The following DEAF1 variants were observed in gnomAD, a reference collection of about 807,000 sequenced individuals.
DEAF1 encodes deformed epidermal autoregulatory factor 1 homolog.
DEAF1 carries 53 observed loss-of-function variants against 58.9 expected under a neutral mutation model. The observed-to-expected ratio is 0.90, with a 90% CI of 0.72 to 1.13. The LOEUF (loss-of-function observed/expected upper bound fraction) is 1.13. DEAF1 is among the 50% of genes most tolerant of loss of function. The pLI is 0.00. For synonymous variants in DEAF1, 385 were observed against 340.4 expected (o/e 1.13, Z -1.44); for missense variants, 685 against 791.4 (o/e 0.87, Z 1.61).
chr11:679,676 G>A lies in DEAF1; in HGVS notation c.1126+12C>T, dbSNP rs1443719426. 9.9e-6 allele frequency: 16 copies of A among 1,610,624 alleles called. No individual in the cohort carries two copies. Among genetic ancestry groups the A allele is most frequent in the African/African-American group, 1.3e-5 (1 of 74,958 alleles). On this transcript the variant is annotated intron_variant, in intron 8 of 11. Transcript: ENST00000382409. The stretch of plus-strand genomic sequence containing the variant: ...GCTGAGGACGCGTCAGGCAGGCACT[G>A]GAGCAGCTCACCTGTGGCCCCTGCG...
At chr11:648,536 G>C (rs1858608626) in intron 11 of DEAF1, among the ~76,000 whole-genome samples, 1 of 152,078 alleles carries the variant, frequency 6.6e-6, no homozygotes, top group Admixed American at 6.6e-5. Context: ...GGAGGCTTGA[G>C]GACAGGGTGT....
Position 676,317 on chromosome 11 carries a change from TCC to T in DEAF1, c.1256-1536_1256-1535del, listed in dbSNP as rs1564941532. On this transcript the variant is annotated intron_variant, in intron 9 of 11. Coordinates refer to ENST00000382409, the MANE Select transcript of DEAF1 (RefSeq NM_021008.4). ...CACCCGACACCCCCAGCACCCGACATCCCCCCAGCACCCGACATCCCCCCAGC... is the reference window on the plus strand; with the variant it reads ...CACCCGACACCCCCAGCACCCGACATCCCCAGCACCCGACATCCCCCCAGC... 1.7e-3 allele frequency among the ~76,000 whole-genome samples: 54 copies of T among 31,100 alleles called. 1 individual carries two copies. Among genetic ancestry groups the T allele is most frequent in the African/African-American group, 7.4e-3 (47 of 6,354 alleles). The allele number at this position is 31,100 out of a possible 152,430, so 20.4% of individuals were successfully genotyped here.
At chr11:651,880 C>A (rs1016502043) in intron 11 of DEAF1, among the ~76,000 whole-genome samples, 1 of 150,094 alleles carries the variant, frequency 6.7e-6, no homozygotes, top group Non-Finnish European at 1.5e-5. Context: ...AGCGAGACTC[C>A]GTCTCAAAAA....
rs190281859 is a variant in DEAF1 at position 661,171 on chromosome 11, C to T, written c.1504-7120G>A. Among the ~76,000 whole-genome samples, 13 of 152,280 alleles carry T rather than the reference C, an allele frequency of 8.5e-5. No individual in the cohort carries two copies. The East Asian group carries it at 1.5e-3, about 18-fold the overall frequency. On this transcript the variant is annotated intron_variant, in intron 10 of 11. Transcript: ENST00000382409. ...GGACAGGCTAGAGGAATGGGGTTTGCGCTCAGGGCAGCATGGCCAACAACA... is the reference window on the plus strand; with the variant it reads ...GGACAGGCTAGAGGAATGGGGTTTGTGCTCAGGGCAGCATGGCCAACAACA...
chr11:682,644 A>C (rs1315217972), intron 6 of DEAF1, among the ~76,000 whole-genome samples: 1 of 152,138 alleles, frequency 6.6e-6, no homozygotes, highest in Non-Finnish European at 1.5e-5. Flanking sequence ...ATCAGAGGGA[A>C]TTCTGTTGCA....
intron 1 of DEAF1, chr11:700,782 T>C (rs748894721): frequency 9.5e-6 from 13 of 1,363,924 alleles, no homozygotes; most frequent in South Asian, 5.8e-5. Flanking sequence ...TCAAGAGTAA[T>C]TATTTTATAG....
chr11:688,393 T>C lies in DEAF1; in HGVS notation c.455A>G (p.His152Arg). ...NTEKATLIVV[H>R]TDGSIVETTG... ...GGTCTCCACGATGCTCCCATCTGTG[T>C]GGACGACAATCAGTGTCGCTTTTTC... The change falls in exon 3 of 12, where the codon CAC (histidine) becomes CGC (arginine). Residue 152 changes from histidine (H) to arginine (R), a missense_variant. This residue lies in a region of DEAF1 where 132 missense variants were observed against 234.3 expected (regional missense o/e 0.56). Coordinates refer to ENST00000382409, the MANE Select transcript of DEAF1 (RefSeq NM_021008.4). The surrounding 1 kb of genome is among the most constrained non-coding windows in gnomAD (Gnocchi z 4.3). 1 of 1,613,950 alleles carries C rather than the reference T, an allele frequency of 6.2e-7. No homozygotes were observed. The highest frequency in any genetic ancestry group is 8.5e-7 in the Non-Finnish European group (1 of 1,180,034).
intron 6 of DEAF1, among the ~76,000 whole-genome samples, chr11:683,904 G>A (rs1860477235): frequency 6.6e-6 from 1 of 152,162 alleles, no homozygotes; most frequent in African/African-American, 2.4e-5. Flanking sequence ...TCTACCTGCA[G>A]GCTCAACTGC....
At position 694,746 on chromosome 11, in the gene DEAF1, C is replaced by T. The variant is rs1403043101; in HGVS notation, c.289+13G>A. On this transcript the variant is annotated intron_variant, in intron 1 of 11. Transcript: ENST00000382409. The stretch of plus-strand genomic sequence containing the variant: ...GGAACCGGACGAGGCGAGAGGCCGG[C>T]GGGCGCACTTGCCTGCGAAGGCTGC... 2 of 1,291,022 alleles carry T rather than the reference C, an allele frequency of 1.5e-6. No individual in the cohort carries two copies. The highest frequency in any genetic ancestry group is 1.6e-5 in the African/African-American group (1 of 64,230). 80.0% of individuals were successfully genotyped at this position (1,291,022 alleles called of 1,614,324 possible). A position where few individuals can be genotyped will look rare whatever the true frequency, so the allele number is the denominator to read the frequency against.
At chr11:703,869 C>T (rs1861610152) in intron 1 of DEAF1, 11 of 1,237,218 alleles carry the variant, frequency 8.9e-6, no homozygotes, top group Non-Finnish European at 1.1e-5. Context: ...CGGAGGGCCA[C>T]ATTCGGAGCC....
upstream of DEAF1, among the ~76,000 whole-genome samples, chr11:698,602 C>T (rs1244766541): frequency 1.3e-5 from 2 of 152,076 alleles, no homozygotes; most frequent in African/African-American, 4.8e-5. Flanking sequence ...TGGGTCTGGC[C>T]CAGGTTCACT....
chr11:681,769 G>A (rs1204807349), intron 6 of DEAF1, among the ~76,000 whole-genome samples: 2 of 152,056 alleles, frequency 1.3e-5, no homozygotes, highest in African/African-American at 2.4e-5. Context: ...AGGAGACAGT[G>A]TCTTCAGACC....
chr11:696,773 A>AT (rs1310858618), upstream of DEAF1, among the ~76,000 whole-genome samples: 1 of 612 alleles, frequency 1.6e-3, no homozygotes, highest in African/African-American at 1.8e-3. Flanking sequence ...TCTACAAAAA[A>AT]AAAATTAAAA....
At chr11:689,182 C>T (rs1196971243) in intron 2 of DEAF1, among the ~76,000 whole-genome samples, 2 of 150,628 alleles carry the variant, frequency 1.3e-5, no homozygotes, top group African/African-American at 4.9e-5. Flanking sequence ...GAGAAAACAA[C>T]TGTTTCTTTT....
Position 694,976 on chromosome 11 carries a change from AGCGGCCGCG to A in DEAF1, c.63_71del (p.Ala22_Ala24del). 1 of 1,013,196 alleles carries A rather than the reference AGCGGCCGCG, an allele frequency of 9.9e-7. No homozygotes were observed. The allele number at this position is 1,013,196 out of a possible 1,614,324, so 62.8% of individuals were successfully genotyped here. A position where few individuals can be genotyped will look rare whatever the true frequency, so the allele number is the denominator to read the frequency against. On this transcript the variant is annotated inframe_deletion, in exon 1 of 12. Transcript: ENST00000382409. The stretch of plus-strand genomic sequence containing the variant: ...CCGCGGCCGCGGCCGCCGCCGCCAC[AGCGGCCGCG>A]GCCGCCACCGCCGCCGCCTCAGCCA...
At chr11:660,646 G>A (rs984429252) in intron 10 of DEAF1, among the ~76,000 whole-genome samples, 3 of 152,234 alleles carry the variant, frequency 2.0e-5, no homozygotes, top group Non-Finnish European at 4.4e-5. Context: ...AGCAACCCTC[G>A]CTCACTGGGC....
chr11:692,942 C>G (rs1257375957), intron 1 of DEAF1, among the ~76,000 whole-genome samples: 1 of 152,182 alleles, frequency 6.6e-6, no homozygotes, highest in Non-Finnish European at 1.5e-5. Flanking sequence ...CTCAGCACCA[C>G]AAGCCCCGGC....
At chr11:666,873 CA>C (rs532628897) in intron 10 of DEAF1, among the ~76,000 whole-genome samples, 6,474 of 60,448 alleles carry the variant, frequency 0.11, 58 homozygotes, top group Admixed American at 0.17. Context: ...ACTCTGTCTC[CA>C]AAAAAAAAAA....
chr11:694,512 T>C (rs1480476922), intron 1 of DEAF1: 5 of 310,984 alleles, frequency 1.6e-5, no homozygotes, highest in Non-Finnish European at 2.8e-5. Flanking sequence ...GTGGGGCAGG[T>C]GTGAGAGGCA....
Sources: gnomAD v4.1 joint callset for allele counts (sites outside exome capture counted in the v4.1 genomes callset) on GRCh38, gnomAD v4.1.1 for gene constraint, gnomAD v4.1.1 regional missense constraint, Gnocchi (gnomAD v3.1) non-coding constraint, MANE v1.5 for transcripts, NCBI Gene and HGNC (gene_info 2026-07-23, HGNC 2026-07-21) for gene names.